The following MERTK variants were observed in gnomAD, a reference collection of about 807,000 sequenced individuals.
MERTK encodes the protein tyrosine-protein kinase Mer.
MERTK carries 69 observed loss-of-function variants against 99.3 expected under a neutral mutation model. The observed-to-expected ratio is 0.70, with a 90% CI of 0.57 to 0.85. The LOEUF (loss-of-function observed/expected upper bound fraction) is 0.85. Among genes scored for constraint, MERTK ranks in the 40% least tolerant of loss-of-function variants. MERTK has a pLI of 0.00. For synonymous variants in MERTK, 426 were observed against 467.6 expected, an observed-to-expected ratio of 0.91 and a Z score of 1.15; for missense variants, 1,125 against 1,249.4, an observed-to-expected ratio of 0.90 and a Z score of 1.50.
At chr2:111,940,426 A>G (rs1020934368) in intron 2 of MERTK, 2 of 542,998 alleles carry the variant, frequency 3.7e-6, no homozygotes, top group African/African-American at 3.8e-5. Flanking sequence ...CAGCAGTCAC[A>G]GAATTTGAGT....
At chr2:112,017,476 A>G (rs1389739139) in intron 15 of MERTK, among the ~76,000 whole-genome samples, 1 of 152,072 alleles carries the variant, frequency 6.6e-6, no homozygotes, top group Non-Finnish European at 1.5e-5. Context: ...CTAAAAACAT[A>G]AAAATTACCC....
chr2:111,982,971 T>C lies in MERTK; in HGVS notation c.1274T>C (p.Val425Ala), dbSNP rs1211908818. The C allele has an allele frequency of 1.9e-6, 3 of 1,614,136 alleles. No homozygotes were observed. Among genetic ancestry groups the C allele is most frequent in the Non-Finnish European group, 1.7e-6 (2 of 1,180,008 alleles). Residue 425 changes from valine (V) to alanine (A), a missense_variant, in exon 8 of 19, where the codon GTG (valine) becomes GCG (alanine). Coordinates refer to ENST00000295408, the MANE Select transcript of MERTK (RefSeq NM_006343.3). The part of the protein sequence containing the change: ...GELVGYRISH[V>A]WQSAGISKEL... ...CTGGTGGGCTACCGGATATCCCACG[T>C]GTGGCAGAGTGCAGGGATTTCCGTA...
At chr2:111,950,971 G>C (rs1412209544) in intron 4 of MERTK, among the ~76,000 whole-genome samples, 1 of 151,866 alleles carries the variant, frequency 6.6e-6, no homozygotes, top group Non-Finnish European at 1.5e-5. Context: ...TTGTTGTAGA[G>C]GTCTTACAAG....
chr2:111,935,003 T>C (rs1244500669), intron 2 of MERTK, among the ~76,000 whole-genome samples: 2 of 152,142 alleles, frequency 1.3e-5, no homozygotes, highest in Non-Finnish European at 2.9e-5. Flanking sequence ...CTCTTTCCCG[T>C]AGTGGCCCCT....
At chr2:111,987,701 T>C (rs541285368) in intron 8 of MERTK, among the ~76,000 whole-genome samples, 2 of 152,278 alleles carry the variant, frequency 1.3e-5, no homozygotes, top group East Asian at 3.9e-4. Flanking sequence ...AGTGAGCAAA[T>C]AGAATTACAA....
chr2:111,907,978 A>G (rs912786432), intron 1 of MERTK, among the ~76,000 whole-genome samples: 1 of 152,188 alleles, frequency 6.6e-6, no homozygotes, highest in South Asian at 2.1e-4. Flanking sequence ...TGTATGTCCA[A>G]GCTATTCTGT....
intron 2 of MERTK, among the ~76,000 whole-genome samples, chr2:111,932,189 A>G (rs2104689816): frequency 6.6e-6 from 1 of 152,192 alleles, no homozygotes; most frequent in Non-Finnish European, 1.5e-5. Flanking sequence ...AATGATGAGC[A>G]TTTCTTTTTT....
At chr2:111,915,368 A>T (rs1388064393) in intron 1 of MERTK, among the ~76,000 whole-genome samples, 24 of 138,036 alleles carry the variant, frequency 1.7e-4, no homozygotes, top group Non-Finnish European at 1.7e-4. Flanking sequence ...TTTTTTTTTC[A>T]TTTTCTTTTT....
chr2:111,925,964 T>TG (rs968149299), intron 1 of MERTK, among the ~76,000 whole-genome samples: 9 of 151,952 alleles, frequency 5.9e-5, no homozygotes, highest in African/African-American at 1.9e-4. Flanking sequence ...CCTGAGTAGC[T>TG]GGGACTACCC....
chr2:112,002,753 C>T (rs1045568756), intron 11 of MERTK, among the ~76,000 whole-genome samples: 1 of 152,188 alleles, frequency 6.6e-6, no homozygotes, highest in Non-Finnish European at 1.5e-5. Context: ...GTGGGTAGAT[C>T]ACTTGAGGTC....
chr2:111,912,738 T>C (rs890471443), intron 1 of MERTK, among the ~76,000 whole-genome samples: 3 of 152,184 alleles, frequency 2.0e-5, no homozygotes, highest in African/African-American at 7.2e-5. Flanking sequence ...ACTGGCTCTT[T>C]CGCCACTCAT....
chr2:111,964,381 G>A (rs1027388819), intron 4 of MERTK, among the ~76,000 whole-genome samples: 1 of 76,832 alleles, frequency 1.3e-5, no homozygotes, highest in African/African-American at 4.1e-5. Context: ...GTGTGTGTGT[G>A]TGTGTGTGTG....
chr2:111,943,066 C>T (rs1684893963), intron 2 of MERTK, among the ~76,000 whole-genome samples: 1 of 152,232 alleles, frequency 6.6e-6, no homozygotes, highest in Non-Finnish European at 1.5e-5. Context: ...GCTAACCAGG[C>T]TGTGCTATCC....
At chr2:112,020,517 C>G in intron 16 of MERTK, 1 of 462,892 alleles carries the variant, frequency 2.2e-6, no homozygotes, top group Non-Finnish European at 4.5e-6. Flanking sequence ...TTCTTCTCCT[C>G]TTCCTTCTTC....
chr2:112,020,360 A>G (rs995163916), intron 16 of MERTK, among the ~76,000 whole-genome samples: 1 of 152,130 alleles, frequency 6.6e-6, no homozygotes, highest in African/African-American at 2.4e-5. Flanking sequence ...TAGGGTGACC[A>G]GCTTTGCAGT....
chr2:111,981,007 G>A (rs114783679), intron 7 of MERTK, among the ~76,000 whole-genome samples: 1,560 of 152,234 alleles, frequency 0.01, 12 homozygotes, highest in Non-Finnish European at 0.014. Flanking sequence ...TGTTGTGTTG[G>A]CCATATTTAT....
At chr2:112,021,605 G>T in intron 17 of MERTK, 24 bp downstream of exon 17, 1 of 1,591,888 alleles carries the variant, frequency 6.3e-7, no homozygotes, top group Non-Finnish European at 8.6e-7. Flanking sequence ...TTTGATTCAG[G>T]GGTCCCACAG....
chr2:111,935,258 T>C (rs535626642), intron 2 of MERTK, among the ~76,000 whole-genome samples: 1 of 152,322 alleles, frequency 6.6e-6, no homozygotes, highest in African/African-American at 2.4e-5. Flanking sequence ...TGGCTGAACA[T>C]TGAGGCAAGT....
At chr2:111,923,923 A>G (rs4848874) in intron 1 of MERTK, among the ~76,000 whole-genome samples, 34,992 of 152,086 alleles carry the variant, frequency 0.23, 4,330 homozygotes, top group Middle Eastern at 0.36. Context: ...TGGGTCCAAA[A>G]CCTTGGAATG....
Sources: allele counts gnomAD v4.1 joint callset (sites outside exome capture counted in the v4.1 genomes callset), GRCh38; gene constraint gnomAD v4.1.1; transcripts MANE v1.5; gene names NCBI Gene and HGNC (gene_info 2026-07-23, HGNC 2026-07-21).